PDK1: variants seen among roughly 807,000 people sequenced by gnomAD.
The protein encoded by PDK1 is pyruvate dehydrogenase kinase 1.
In PDK1, 39 loss-of-function variants were observed where a neutral mutation model predicts 54.2. The ratio of observed to expected loss-of-function variants is 0.72; its 90% CI spans 0.56 to 0.94. PDK1 has a LOEUF of 0.94. Ranked by LOEUF, PDK1 falls within the 40% of genes least tolerant of loss-of-function variation. The pLI is 0.00. For missense variants in PDK1, 552 were observed against 566.0 expected (o/e 0.98, Z 0.25); for synonymous variants, 221 against 207.1 (o/e 1.07, Z -0.58).
downstream of PDK1, among the ~76,000 whole-genome samples, chr2:172,609,070 A>G (rs940979621): frequency 6.6e-6 from 1 of 152,230 alleles, no homozygotes; most frequent in African/African-American, 2.4e-5. Context: ...TTCTAAGGAG[A>G]CAGTTAATAA....
the PDK1 span, among the ~76,000 whole-genome samples, chr2:172,683,278 C>T: frequency 2.7e-5 from 4 of 147,880 alleles, no homozygotes; most frequent in Non-Finnish European, 4.5e-5. Flanking sequence ...ACCCAGGAGG[C>T]GGAGCTTGCA....
intron 8 of PDK1, among the ~76,000 whole-genome samples, chr2:172,577,040 G>A (rs1423072299): frequency 1.3e-5 from 2 of 152,122 alleles, no homozygotes; most frequent in Non-Finnish European, 2.9e-5. Context: ...GTTGAAAGTG[G>A]AGTATTGAAG....
the PDK1 span, among the ~76,000 whole-genome samples, chr2:172,695,387 A>G: frequency 1.3e-5 from 2 of 152,176 alleles, no homozygotes; most frequent in Non-Finnish European, 2.9e-5. Context: ...CCCTCTTGTC[A>G]TGCACACAAC....
chr2:172,653,127 A>C, the PDK1 span, among the ~76,000 whole-genome samples: 1 of 152,226 alleles, frequency 6.6e-6, no homozygotes, highest in African/African-American at 2.4e-5. Context: ...ACAGAGATAT[A>C]GACCAATGGA....
the PDK1 span, among the ~76,000 whole-genome samples, chr2:172,653,459 C>T: frequency 2.6e-5 from 4 of 152,018 alleles, no homozygotes; most frequent in Non-Finnish European, 5.9e-5. Flanking sequence ...AAATGTCAGC[C>T]GGGCATGGTC....
the PDK1 span, among the ~76,000 whole-genome samples, chr2:172,646,754 T>TTTTTTTTTTTTTTA: frequency 6.9e-6 from 1 of 145,890 alleles, no homozygotes; most frequent in African/African-American, 2.6e-5. Context: ...TTTTTTTTTT[T>TTTTTTTTTTTTTTA]GAGATAGAGT....
At chr2:172,620,525 T>C in the PDK1 span, among the ~76,000 whole-genome samples, 2 of 152,214 alleles carry the variant, frequency 1.3e-5, no homozygotes, top group South Asian at 4.2e-4. Context: ...TGCAGGCTCA[T>C]TCTGTGGGGC....
chr2:172,585,173 A>T lies in PDK1; in HGVS notation c.946-1105A>T, dbSNP rs1461614331. Among the ~76,000 whole-genome samples the T allele has an allele frequency of 2.7e-5, 4 of 150,234 alleles. No homozygotes were observed. In the East Asian group the frequency reaches 6.0e-4, roughly 22 times the overall value. On this transcript the variant is annotated intron_variant, in intron 8 of 10. Transcript: ENST00000282077. ...CACCATGCCCAGCTAATTTTAGAAA[A>T]TTTTTTGTAGCGATGGGGTCTTACT... is the stretch of plus-strand genomic sequence containing the variant.
chr2:172,571,849 T>TTTTTTTTTG (rs1553480311), intron 8 of PDK1, among the ~76,000 whole-genome samples: 3 of 136,680 alleles, frequency 2.2e-5, no homozygotes, highest in Non-Finnish European at 4.7e-5. Context: ...TTTTTTTTTT[T>TTTTTTTTTG]GAGATGGAGT....
At chr2:172,571,331 A>G (rs1689246648) in intron 8 of PDK1, among the ~76,000 whole-genome samples, 1 of 152,140 alleles carries the variant, frequency 6.6e-6, no homozygotes, top group Non-Finnish European at 1.5e-5. Context: ...CCCCAGTGCT[A>G]GGCCTTTTCT....
the PDK1 span, among the ~76,000 whole-genome samples, chr2:172,619,036 T>G: frequency 2.6e-5 from 4 of 152,218 alleles, no homozygotes; most frequent in Non-Finnish European, 5.9e-5. Context: ...CTGTAAGAAG[T>G]AATGCAGGTT....
the PDK1 span, among the ~76,000 whole-genome samples, chr2:172,636,384 G>A: frequency 6.6e-6 from 1 of 152,046 alleles, no homozygotes; most frequent in African/African-American, 2.4e-5. Context: ...GGAGGAAGGT[G>A]CCAGGCTCTT....
At chr2:172,613,162 T>C (rs562820827), downstream of PDK1, among the ~76,000 whole-genome samples, 4 of 152,158 alleles carry the variant, frequency 2.6e-5, no homozygotes, top group South Asian at 2.1e-4. Flanking sequence ...CAGGAGGAGC[T>C]CAGGAGCGAA....
chr2:172,683,378 G>T, the PDK1 span, among the ~76,000 whole-genome samples: 1 of 151,276 alleles, frequency 6.6e-6, no homozygotes, highest in East Asian at 1.9e-4. Flanking sequence ...ATAAAGAAAT[G>T]AGTTTTAATT....
At chr2:172,579,833 C>T (rs1426502973) in intron 8 of PDK1, among the ~76,000 whole-genome samples, 1 of 151,400 alleles carries the variant, frequency 6.6e-6, no homozygotes. Flanking sequence ...TTCCTTTTCA[C>T]TGTGTGTTTA....
At chr2:172,619,457 A>T in the PDK1 span, among the ~76,000 whole-genome samples, 1 of 151,070 alleles carries the variant, frequency 6.6e-6, no homozygotes, top group African/African-American at 2.4e-5. Flanking sequence ...CCCCCATTAA[A>T]TTTTTGTGCT....
In PDK1 at chr2:172,608,488, C is replaced by T. The variant is rs150132261; in HGVS notation, c.*12519C>T. 1 of 152,130 alleles carries T rather than the reference C, an allele frequency of 6.6e-6. No individual in the cohort carries two copies. The highest frequency in any genetic ancestry group is 2.4e-5 in the African/African-American group (1 of 41,496). The allele number at this position is 152,130 out of a possible 1,614,324, so 9.4% of individuals were successfully genotyped here. A position where few individuals can be genotyped will look rare whatever the true frequency, so the allele number is the denominator to read the frequency against. On this transcript the variant is annotated 3_prime_UTR_variant, in exon 11 of 11. Transcript: ENST00000282077. ...TACTATGCAAGAAATTTTAAATTTC[C>T]ATCATGTTAAATTGTACAACTGTTT...
chr2:172,715,818 CTTAATG>C, the PDK1 span, among the ~76,000 whole-genome samples: 3 of 152,244 alleles, frequency 2.0e-5, no homozygotes, highest in South Asian at 6.2e-4. Flanking sequence ...TCATACTCAT[CTTAATG>C]TTAAATTTTG....
In PDK1 at chr2:172,604,164, C is replaced by G. The variant is rs1462554146; in HGVS notation, c.*8195C>G. 1 of 152,248 alleles carries G rather than the reference C, an allele frequency of 6.6e-6. No homozygotes were observed. The highest frequency in any genetic ancestry group is 1.5e-5 in the Non-Finnish European group (1 of 68,086). The allele number at this position is 152,248 out of a possible 1,614,324, so 9.4% of individuals were successfully genotyped here. On this transcript the variant is annotated 3_prime_UTR_variant, in exon 11 of 11. Coordinates refer to ENST00000282077, the MANE Select transcript of PDK1 (RefSeq NM_002610.5). ...TAGCATGATCTTGGCTCACTGCAAC[C>G]TCTGCCTCCTGAGTTGAAGCAATTC...
Sources: allele counts gnomAD v4.1 joint callset (sites outside exome capture counted in the v4.1 genomes callset), GRCh38; gene constraint gnomAD v4.1.1; transcripts MANE v1.5; gene names NCBI Gene and HGNC (gene_info 2026-07-23, HGNC 2026-07-21).